ADGRB3: variants seen among roughly 807,000 people sequenced by gnomAD.
ADGRB3 encodes the protein adhesion G protein-coupled receptor B3, also known as brain-specific angiogenesis inhibitor 3.
ADGRB3 carries 37 observed loss-of-function variants against 193.4 expected under a neutral mutation model. The ratio of observed to expected loss-of-function variants is 0.19; its 90% CI spans 0.15 to 0.25. The LOEUF (loss-of-function observed/expected upper bound fraction) is 0.25, where lower values mean the gene tolerates loss of function less well. ADGRB3 is among the 10% of genes least tolerant of loss of function. The pLI is 1.00. For missense variants in ADGRB3, 1,637 were observed against 1,852.9 expected, an observed-to-expected ratio of 0.88 and a Z score of 2.14; for synonymous variants, 690 against 644.2, an observed-to-expected ratio of 1.07 and a Z score of -1.08.
intron 3 of ADGRB3, among the ~76,000 whole-genome samples, chr6:68,652,608 A>G (rs1428022646): frequency 6.6e-6 from 1 of 152,172 alleles, no homozygotes; most frequent in African/African-American, 2.4e-5. Flanking sequence ...GATAAATATG[A>G]ATATTTATTT....
intron 17 of ADGRB3, among the ~76,000 whole-genome samples, chr6:69,111,804 A>G (rs553006729): frequency 3.3e-5 from 5 of 152,358 alleles, no homozygotes; most frequent in Non-Finnish European, 5.9e-5. Flanking sequence ...AATCAAATAC[A>G]TGTGAACCAT....
intron 17 of ADGRB3, among the ~76,000 whole-genome samples, chr6:69,171,119 T>A (rs1775260479): frequency 6.9e-6 from 1 of 145,024 alleles, no homozygotes; most frequent in South Asian, 2.5e-4. Flanking sequence ...TAAAATTTAT[T>A]AAGAAGATAC....
intron 3 of ADGRB3, among the ~76,000 whole-genome samples, chr6:68,846,497 C>T (rs1001161340): frequency 2.6e-5 from 4 of 152,198 alleles, no homozygotes; most frequent in African/African-American, 9.6e-5. Context: ...GGCCCAGGGG[C>T]CCCATGCTGT....
intron 11 of ADGRB3, among the ~76,000 whole-genome samples, chr6:69,001,016 G>T (rs1769560766): frequency 6.6e-6 from 1 of 151,970 alleles, no homozygotes; most frequent in Non-Finnish European, 1.5e-5. Context: ...ATGAGCCTTG[G>T]CCTCAAGCTG....
At chr6:69,157,999 G>A (rs907234549) in intron 17 of ADGRB3, among the ~76,000 whole-genome samples, 16 of 152,002 alleles carry the variant, frequency 1.1e-4, no homozygotes, top group Non-Finnish European at 2.2e-4. Flanking sequence ...ACTTGCAGTA[G>A]AATCATCCTC....
intron 16 of ADGRB3, among the ~76,000 whole-genome samples, chr6:69,075,667 A>C (rs2150312498): frequency 6.6e-6 from 1 of 152,230 alleles, no homozygotes; most frequent in East Asian, 1.9e-4. Context: ...TCTAGCAACT[A>C]ATGTTTTAGA....
At chr6:69,069,553 CAAAAAAAAAAAAAA>C (rs57616226) in intron 16 of ADGRB3, among the ~76,000 whole-genome samples, 18 of 31,794 alleles carry the variant, frequency 5.7e-4, no homozygotes, top group East Asian at 2.4e-3. Flanking sequence ...ACTAAAAATA[CAAAAAAAAAAAAAA>C]AAAAAAAAAA....
intron 10 of ADGRB3, among the ~76,000 whole-genome samples, chr6:68,976,744 A>T (rs1288631390): frequency 6.6e-6 from 1 of 152,096 alleles, no homozygotes; most frequent in African/African-American, 2.4e-5. Context: ...CTTTAGGCTG[A>T]GAAGGAGAAA....
In ADGRB3 at chr6:69,003,336, A is replaced by G. The variant is rs565431224; in HGVS notation, c.1929+9374A>G. ...AGGGAGTGTGGGCACTGCTTTTTTT[A>G]TTTTTTATTTTTTTCACTTATTATG... On this transcript the variant is annotated intron_variant, in intron 11 of 31. Coordinates refer to ENST00000370598, the MANE Select transcript of ADGRB3 (RefSeq NM_001704.3). Among the ~76,000 whole-genome samples, 38 of 152,082 alleles carry G rather than the reference A, an allele frequency of 2.5e-4. No individual in the cohort carries two copies. The South Asian group carries it at 6.6e-3, about 27-fold the overall frequency.
At chr6:69,141,444 G>C (rs1023367813) in intron 17 of ADGRB3, among the ~76,000 whole-genome samples, 1 of 152,090 alleles carries the variant, frequency 6.6e-6, no homozygotes, top group Non-Finnish European at 1.5e-5. Flanking sequence ...ATTTCATAAG[G>C]GTGGCCAAAG....
intron 3 of ADGRB3, among the ~76,000 whole-genome samples, chr6:68,736,896 TTC>T (rs1287453152): frequency 6.6e-6 from 1 of 152,056 alleles, no homozygotes; most frequent in Admixed American, 6.6e-5. Context: ...CTGTCAGTTT[TTC>T]TCTCTTTTTT....
chr6:68,793,252 A>G (rs534508621), intron 3 of ADGRB3, among the ~76,000 whole-genome samples: 2 of 152,060 alleles, frequency 1.3e-5, no homozygotes, highest in South Asian at 2.1e-4. Flanking sequence ...TCATATCTAG[A>G]TTTTCACCTT....
chr6:69,366,662 T>C (rs1769574530), intron 29 of ADGRB3, among the ~76,000 whole-genome samples: 1 of 152,128 alleles, frequency 6.6e-6, no homozygotes. Flanking sequence ...CAAATTGTCT[T>C]GATTCTCTTA....
At chr6:68,763,806 C>T (rs565749056) in intron 3 of ADGRB3, among the ~76,000 whole-genome samples, 1 of 152,156 alleles carries the variant, frequency 6.6e-6, no homozygotes, top group African/African-American at 2.4e-5. Flanking sequence ...GTGGTGGTGG[C>T]TCACACCTGT....
chr6:69,350,552 T>A (rs1007219594), intron 26 of ADGRB3, among the ~76,000 whole-genome samples: 1 of 152,110 alleles, frequency 6.6e-6, no homozygotes, highest in Non-Finnish European at 1.5e-5. Context: ...TTTACTGGTA[T>A]CAAGTAATTT....
At chr6:69,000,007 AT>A (rs1348725927) in intron 11 of ADGRB3, among the ~76,000 whole-genome samples, 1 of 152,222 alleles carries the variant, frequency 6.6e-6, no homozygotes, top group Admixed American at 6.5e-5. Flanking sequence ...CACCACTGAA[AT>A]AATTCATTCT....
chr6:68,898,001 A>C (rs142870627), intron 3 of ADGRB3, among the ~76,000 whole-genome samples: 8 of 147,694 alleles, frequency 5.4e-5, no homozygotes, highest in Non-Finnish European at 1.0e-4. Context: ...ATATATAATA[A>C]AAATGTATAT....
chr6:69,329,206 G>A (rs1370950333), intron 22 of ADGRB3, among the ~76,000 whole-genome samples: 1 of 152,194 alleles, frequency 6.6e-6, no homozygotes, highest in East Asian at 1.9e-4. Flanking sequence ...AATACAGTGG[G>A]AATTTAGTGG....
chr6:69,295,028 C>T (rs1467142985), intron 20 of ADGRB3, among the ~76,000 whole-genome samples: 2 of 152,132 alleles, frequency 1.3e-5, no homozygotes, highest in Non-Finnish European at 2.9e-5. Flanking sequence ...TTATAACTCT[C>T]TCTCACTGCA....
Sources: allele counts gnomAD v4.1 joint callset (sites outside exome capture counted in the v4.1 genomes callset), GRCh38; gene constraint gnomAD v4.1.1; transcripts MANE v1.5; gene names NCBI Gene and HGNC (gene_info 2026-07-23, HGNC 2026-07-21).